The following SLC38A6 variants were observed in gnomAD, a reference collection of about 807,000 sequenced individuals.
SLC38A6 encodes N system amino acid transporter NAT-1.
Under a neutral mutation model 65.0 loss-of-function variants are expected in SLC38A6, and 73 were observed. The observed-to-expected ratio is 1.12, with a 90% CI of 0.93 to 1.37. SLC38A6 has a LOEUF of 1.37. Among genes scored for constraint, SLC38A6 ranks in the 40% most tolerant of loss-of-function variants. The pLI is 0.00. For missense variants in SLC38A6, 561 were observed against 531.1 expected (o/e 1.06, Z -0.55); for synonymous variants, 183 against 178.8 (o/e 1.02, Z -0.19).
rs559333381 is a variant in SLC38A6 at position 61,078,889 on chromosome 14, A to G, written c.1370A>G (p.Asn457Ser). The change falls in exon 16 of 17, where the codon AAT (asparagine) becomes AGT (serine). Residue 457 changes from asparagine to serine, a missense_variant. By Grantham distance (46) the Asn-to-Ser change is conservative. Coordinates refer to the SLC38A6 transcript ENST00000354886. ...AACCTCTGCCTCCCGGACTCAAGCA[A>G]TCCTCCCACCTCAGCCTCCAGAGTA... 1.4e-4 allele frequency: 28 copies of G among 193,246 alleles called. No individual in the cohort carries two copies. The South Asian group carries it at 2.4e-3, about 17-fold the overall frequency. The allele number at this position is 193,246 out of a possible 1,614,324, so 12.0% of individuals were successfully genotyped here.
intron 15 of SLC38A6, among the ~76,000 whole-genome samples, chr14:61,069,448 C>T (rs531451196): frequency 9.2e-5 from 14 of 152,058 alleles, no homozygotes; most frequent in Non-Finnish European, 1.3e-4. Context: ...CCCTTTCTTA[C>T]GTATGTTCTA....
At chr14:61,018,573 T>A (rs2040162413) in intron 4 of SLC38A6, among the ~76,000 whole-genome samples, 1 of 152,174 alleles carries the variant, frequency 6.6e-6, no homozygotes, top group Non-Finnish European at 1.5e-5. Context: ...TCTAGACAGC[T>A]AGTCAGCTCC....
intron 3 of SLC38A6, among the ~76,000 whole-genome samples, chr14:61,012,895 T>C (rs1566649400): frequency 6.6e-6 from 1 of 152,216 alleles, no homozygotes; most frequent in African/African-American, 2.4e-5. Flanking sequence ...AGATGTCTAT[T>C]AGGTCCACTT....
At chr14:61,068,713 A>G (rs2043114232) in intron 15 of SLC38A6, among the ~76,000 whole-genome samples, 4 of 152,274 alleles carry the variant, frequency 2.6e-5, no homozygotes, top group South Asian at 2.1e-4. Context: ...CACTGCTGGA[A>G]ATCTTGTTTA....
chr14:61,045,141 C>T (rs532651962), intron 10 of SLC38A6, among the ~76,000 whole-genome samples: 1 of 152,242 alleles, frequency 6.6e-6, no homozygotes, highest in East Asian at 1.9e-4. Context: ...CTAGTACAGG[C>T]AAGCCCACTA....
At chr14:61,013,385 T>A (rs1312797711) in intron 3 of SLC38A6, among the ~76,000 whole-genome samples, 1 of 152,196 alleles carries the variant, frequency 6.6e-6, no homozygotes, top group African/African-American at 2.4e-5. Context: ...CCCATATACA[T>A]TTAAGGTTAG....
intron 6 of SLC38A6, among the ~76,000 whole-genome samples, chr14:61,031,240 AT>A (rs2040968559): frequency 6.6e-6 from 1 of 152,164 alleles, no homozygotes; most frequent in Admixed American, 6.6e-5. Context: ...AGAATAAATC[AT>A]TTTAATTGCC....
chr14:61,042,373 C>T (rs2041865477), intron 8 of SLC38A6, among the ~76,000 whole-genome samples: 1 of 152,146 alleles, frequency 6.6e-6, no homozygotes, highest in Admixed American at 6.5e-5. Context: ...CACTGGGATT[C>T]ACCCTGGAGC....
chr14:61,012,689 C>T (rs1182539770), intron 3 of SLC38A6, among the ~76,000 whole-genome samples: 3 of 151,506 alleles, frequency 2.0e-5, no homozygotes, highest in South Asian at 2.1e-4. Flanking sequence ...TGTAGTTGAG[C>T]GGTGTTGAGT....
chr14:61,020,364 A>G (rs2040280679), intron 5 of SLC38A6, among the ~76,000 whole-genome samples: 1 of 152,204 alleles, frequency 6.6e-6, no homozygotes, highest in Non-Finnish European at 1.5e-5. Flanking sequence ...ACAGGATTGT[A>G]TAGTCAGAGG....
intron 2 of SLC38A6, 136 bp from the exon 3 acceptor site, chr14:60,984,594 T>C: frequency 3.5e-6 from 2 of 578,698 alleles, no homozygotes; most frequent in Non-Finnish European, 6.3e-6. Flanking sequence ...CTTAATTTCC[T>C]TAATGAACAT....
chr14:61,008,441 A>G (rs1490134378), intron 3 of SLC38A6, among the ~76,000 whole-genome samples: 1 of 152,168 alleles, frequency 6.6e-6, no homozygotes, highest in African/African-American at 2.4e-5. Context: ...AAGAAAACCC[A>G]TGTATATCTT....
In SLC38A6 at chr14:60,982,457, T is replaced by G. The variant is rs538028002; in HGVS notation, c.106-51T>G. 1.5e-5 allele frequency: 24 copies of G among 1,578,860 alleles called. No individual in the cohort carries two copies. The East Asian group carries it at 4.9e-4, about 32-fold the overall frequency. Reference sequence around the variant, plus strand: ...CATTTATGGAATTTCTTTACGAAATTTTAACTTCACCGTCCAAACATTTAA... The same window carrying G: ...CATTTATGGAATTTCTTTACGAAATGTTAACTTCACCGTCCAAACATTTAA... On this transcript the variant is annotated intron_variant, in intron 1 of 15. Transcript: ENST00000267488.
At chr14:61,010,789 C>T (rs151338652) in intron 3 of SLC38A6, among the ~76,000 whole-genome samples, 43,335 of 151,942 alleles carry the variant, frequency 0.29, 7,214 homozygotes, top group Admixed American at 0.37. Flanking sequence ...ACTGTAGCCT[C>T]GTAGTATAGT....
rs2042523560 is a variant in SLC38A6 at position 61,051,869 on chromosome 14, A to C, written c.1133A>C (p.Asn378Thr). The change falls in exon 14 of 16, where the codon AAT (asparagine) becomes ACT (threonine). Residue 378 changes from asparagine (N) to threonine (T), a missense_variant. Asn to Thr is a moderately conservative substitution (Grantham distance 65). Transcript: ENST00000267488. The part of the protein sequence containing the change: ...IRHFLITLAL[N>T]IIIVLLAIYV... ...CATTTTTTGATCACTCTAGCACTCA[A>C]TATTATCATCGTTTTACTTGCAATA... The C allele has an allele frequency of 4.3e-6, 7 of 1,612,108 alleles. No homozygotes were observed. The highest frequency in any genetic ancestry group is 5.1e-6 in the Non-Finnish European group (6 of 1,179,258).
intron 3 of SLC38A6, among the ~76,000 whole-genome samples, chr14:61,015,154 G>T (rs1457301776): frequency 6.6e-6 from 1 of 152,184 alleles, no homozygotes; most frequent in African/African-American, 2.4e-5. Flanking sequence ...AATGAGCGAG[G>T]CTCCGTGGGC....
At chr14:61,036,374 G>A (rs965401440) in intron 6 of SLC38A6, among the ~76,000 whole-genome samples, 3 of 148,128 alleles carry the variant, frequency 2.0e-5, no homozygotes, top group Admixed American at 6.7e-5. Context: ...GTTCTCACTC[G>A]TAAGTGAGAG....
Position 61,052,347 on chromosome 14 carries a change from A to T in SLC38A6, c.1291-2A>T. On this transcript the variant is annotated splice_acceptor_variant, in intron 15 of 15. Coordinates refer to ENST00000267488, the MANE Select transcript of SLC38A6 (RefSeq NM_153811.3). LOFTEE classifies it high-confidence loss of function. ...CTTTTATCTTTTTTCTTATTTCCAC[A>T]GGCATTCGTTTTGCTCATCTTTGGA... 6 of 1,579,238 alleles carry T rather than the reference A, an allele frequency of 3.8e-6. No homozygotes were observed. The highest frequency in any genetic ancestry group is 5.1e-6 in the Non-Finnish European group (6 of 1,165,662).
Position 61,030,543 on chromosome 14 carries a change from A to G in SLC38A6, c.482+20A>G, listed in dbSNP as rs529153720. The G allele has an allele frequency of 1.3e-6, 2 of 1,520,488 alleles. No individual in the cohort carries two copies. Among genetic ancestry groups the G allele is most frequent in the Non-Finnish European group, 1.8e-6 (2 of 1,102,508 alleles). 94.2% of individuals were successfully genotyped at this position (1,520,488 alleles called of 1,614,324 possible). On this transcript the variant is annotated intron_variant, in intron 6 of 15. Transcript: ENST00000267488. ...TAGTAGGTAAGAAAAAGTATTTTACATTGTGTCCGTTCATGTATTAATTTG... is the reference window on the plus strand; with the variant it reads ...TAGTAGGTAAGAAAAAGTATTTTACGTTGTGTCCGTTCATGTATTAATTTG...
Sources: allele counts gnomAD v4.1 joint callset (sites outside exome capture counted in the v4.1 genomes callset), GRCh38; gene constraint gnomAD v4.1.1; transcripts MANE v1.5; gene names NCBI Gene and HGNC (gene_info 2026-07-23, HGNC 2026-07-21).